The following FLNB variants were observed in gnomAD, a reference collection of about 807,000 sequenced individuals.
FLNB encodes the protein filamin-B.
Under a neutral mutation model 250.6 loss-of-function variants are expected in FLNB, and 111 were observed. That is an observed-to-expected ratio of 0.44 (90% confidence interval 0.38 to 0.52). The LOEUF (loss-of-function observed/expected upper bound fraction) is 0.52. Among genes scored for constraint, FLNB ranks in the 20% least tolerant of loss-of-function variants. The probability of loss-of-function intolerance (pLI) is 0.00; values close to 1 mark genes in which losing one functional copy is unlikely to be tolerated. For synonymous variants in FLNB, 1,302 were observed against 1,372.1 expected, an observed-to-expected ratio of 0.95 and a Z score of 1.13; for missense variants, 2,869 against 3,447.8, an observed-to-expected ratio of 0.83 and a Z score of 4.20.
intron 12 of FLNB, 33 bp from the exon 13 acceptor site, chr3:58,108,425 C>G (rs774411915): frequency 4.2e-6 from 6 of 1,416,602 alleles, no homozygotes; most frequent in Non-Finnish European, 5.0e-6. Context: ...GGGCATTACA[C>G]AGAAAGAGAC....
At chr3:58,158,120 G>A (rs2097356092) in intron 41 of FLNB, among the ~76,000 whole-genome samples, 1 of 144,760 alleles carries the variant, frequency 6.9e-6, no homozygotes, top group South Asian at 2.4e-4. Context: ...GTGGGGGTGG[G>A]ATGGGAGTGA....
intron 25 of FLNB, chr3:58,132,173 C>G (rs1260531514): frequency 6.4e-6 from 4 of 627,782 alleles, no homozygotes; most frequent in Non-Finnish European, 1.1e-5. Context: ...CCTTGACTGT[C>G]ACGTTGGAAG....
chr3:58,098,940 C>T, intron 8 of FLNB, 32 bp downstream of exon 8: 1 of 1,594,564 alleles, frequency 6.3e-7, no homozygotes, highest in African/African-American at 1.3e-5. Context: ...ACATGTGCTT[C>T]TCATAGGGAA....
intron 20 of FLNB, among the ~76,000 whole-genome samples, chr3:58,121,945 G>A (rs754373773): frequency 3.9e-5 from 6 of 151,912 alleles, no homozygotes; most frequent in Admixed American, 6.6e-5. Context: ...CGAGGCGGGC[G>A]GATCATGAGG....
At chr3:58,141,021 G>A (rs779689455) in intron 29 of FLNB, among the ~76,000 whole-genome samples, 10 of 152,216 alleles carry the variant, frequency 6.6e-5, no homozygotes, top group Non-Finnish European at 1.5e-4. Context: ...GCCAAGGTGA[G>A]AGGGTTGCTG....
At chr3:58,009,164 C>T (rs182139046) in intron 1 of FLNB, among the ~76,000 whole-genome samples, 22 of 152,276 alleles carry the variant, frequency 1.4e-4, no homozygotes, top group Non-Finnish European at 2.9e-4. Context: ...ACCTGGGGCG[C>T]CCCTATGGGA....
At chr3:58,061,381 T>C (rs1003136473) in intron 1 of FLNB, among the ~76,000 whole-genome samples, 2 of 152,320 alleles carry the variant, frequency 1.3e-5, no homozygotes, top group Non-Finnish European at 2.9e-5. Context: ...GTTCTTCATA[T>C]GTATTGTACT....
chr3:58,036,920 C>T (rs1201210359), intron 1 of FLNB, among the ~76,000 whole-genome samples: 1 of 152,190 alleles, frequency 6.6e-6, no homozygotes, highest in Non-Finnish European at 1.5e-5. Context: ...CAGTTTCTCA[C>T]CTGTAAACGT....
In FLNB at chr3:58,172,154, CG is replaced by C. The variant is rs956073795; in HGVS notation, c.*1395del. 6.6e-6 allele frequency: 1 copy of C among 152,562 alleles called. No individual in the cohort carries two copies. Among genetic ancestry groups the C allele is most frequent in the African/African-American group, 2.4e-5 (1 of 41,406 alleles). The allele number at this position is 152,562 out of a possible 1,614,324, so 9.5% of individuals were successfully genotyped here. The stretch of plus-strand genomic sequence containing the variant: ...CCCGGAGCCTGATGTGAAAGGACCA[CG>C]GGTGTTGTAAGCTGGGACACGGAAG... On this transcript the variant is annotated 3_prime_UTR_variant, in exon 46 of 46. Coordinates refer to ENST00000295956, the MANE Select transcript of FLNB (RefSeq NM_001457.4).
intron 36 of FLNB, chr3:58,149,552 A>G (rs2097341405): frequency 2.2e-6 from 1 of 463,916 alleles, no homozygotes. Context: ...GCGTGAGGGC[A>G]GAAGGTCCTC....
At chr3:58,041,160 A>G (rs915448247) in intron 1 of FLNB, among the ~76,000 whole-genome samples, 2 of 152,144 alleles carry the variant, frequency 1.3e-5, no homozygotes, top group African/African-American at 4.8e-5. Flanking sequence ...GATCTGGGGA[A>G]CTCCACAAAC....
chr3:58,146,760 A>G (rs998246197), intron 33 of FLNB, 60 bp from the exon 34 acceptor site: 18 of 1,584,158 alleles, frequency 1.1e-5, no homozygotes, highest in Non-Finnish European at 1.5e-5. Flanking sequence ...GTTAAAAGGA[A>G]ACTCTTAAAA....
rs779247120 is a variant in FLNB at position 58,121,334 on chromosome 3, G to A, written c.2957G>A (p.Arg986Gln). 5.0e-6 allele frequency: 8 copies of A among 1,614,078 alleles called. No homozygotes were observed. The highest frequency in any genetic ancestry group is 1.6e-4 in the Middle Eastern group (1 of 6,084). The change falls in exon 20 of 46, where the codon CGG becomes CAG. Residue 986 changes from arginine (R) to glutamine (Q), a missense_variant. By Grantham distance (43) the Arg-to-Gln change is conservative. This residue lies in a region of FLNB where 1,348 missense variants were observed against 1,466.7 expected (regional missense o/e 0.92). Transcript: ENST00000295956. ...GACGTGACAATCCTCAGCCCCTCTC[G>A]GAAGGTCGTGCCATGCCTAGTGACA... ...KLDVTILSPS[R>Q]KVVPCLVTPV...
chr3:58,032,908 C>T (rs556368704), intron 1 of FLNB, among the ~76,000 whole-genome samples: 15 of 152,160 alleles, frequency 9.9e-5, no homozygotes, highest in South Asian at 2.1e-4. Flanking sequence ...ATCTCTACTC[C>T]CTTCCCCGCC....
At position 58,169,632 on chromosome 3, in the gene FLNB, C is replaced by T. The variant is rs771879974; in HGVS notation, c.7460C>T (p.Ser2487Phe). ...VSPGSANETS[S>F]ILVESVTRSS... ...CCTGGCTCAGCCAACGAGACCTCAT[C>T]CATCCTGGTGGAGTCAGTGACCAGG... Residue 2487 changes from serine (S) to phenylalanine (F), a missense_variant, in exon 45 of 46, where the codon TCC becomes TTC. By Grantham distance (155) the Ser-to-Phe change is radical. Transcript: ENST00000295956. This position sits in a 1 kb window ranked among gnomAD's most constrained non-coding sequence, Gnocchi z 4.8. 8 of 1,614,098 alleles carry T rather than the reference C, an allele frequency of 5.0e-6. No individual in the cohort carries two copies. In the East Asian group the frequency reaches 1.8e-4, roughly 36 times the overall value.
intron 27 of FLNB, among the ~76,000 whole-genome samples, chr3:58,135,219 C>T (rs1436653646): frequency 1.3e-5 from 2 of 152,134 alleles, no homozygotes; most frequent in South Asian, 2.1e-4. Context: ...AGTTATGCTG[C>T]ATATCACAGT....
chr3:58,112,489 G>T (rs1040847020), intron 18 of FLNB, among the ~76,000 whole-genome samples, 171 bp downstream of exon 18: 15 of 152,228 alleles, frequency 9.9e-5, no homozygotes, highest in African/African-American at 3.6e-4. Context: ...CCTATAGGAA[G>T]CCCAATGGGT....
At chr3:58,043,581 G>A (rs990630499) in intron 1 of FLNB, among the ~76,000 whole-genome samples, 1 of 152,018 alleles carries the variant, frequency 6.6e-6, no homozygotes, top group African/African-American at 2.4e-5. Context: ...GGGTCTTCAG[G>A]GTTTGATCTC....
chr3:58,076,644 AGAG>A (rs1430055115), intron 1 of FLNB, among the ~76,000 whole-genome samples: 1 of 148,770 alleles, frequency 6.7e-6, no homozygotes, highest in East Asian at 2.0e-4. Context: ...TTTTGGGTAG[AGAG>A]GGAGTTTTGC....
Sources: gnomAD v4.1 joint callset for allele counts (sites outside exome capture counted in the v4.1 genomes callset) on GRCh38, gnomAD v4.1.1 for gene constraint, gnomAD v4.1.1 regional missense constraint, Gnocchi (gnomAD v3.1) non-coding constraint, MANE v1.5 for transcripts, NCBI Gene and HGNC (gene_info 2026-07-23, HGNC 2026-07-21) for gene names.